Variants in DNAH8 observed in about 807,000 individuals in gnomAD.
The protein encoded by DNAH8 is axonemal beta dynein heavy chain 8.
In DNAH8, 382 loss-of-function variants were observed where a neutral mutation model predicts 562.1. That is an observed-to-expected ratio of 0.68 (90% confidence interval 0.63 to 0.74). The LOEUF (loss-of-function observed/expected upper bound fraction) is 0.74. DNAH8 is among the 30% of genes least tolerant of loss of function. The probability of loss-of-function intolerance (pLI) is 0.00; values close to 1 mark genes in which losing one functional copy is unlikely to be tolerated. For missense variants in DNAH8, 5,203 were observed against 5,620.4 expected (o/e 0.93, Z 2.37); for synonymous variants, 1,881 against 1,919.4 (o/e 0.98, Z 0.52).
At chr6:38,729,582 T>C (rs1763504320) in intron 3 of DNAH8, among the ~76,000 whole-genome samples, 1 of 152,248 alleles carries the variant, frequency 6.6e-6, no homozygotes, top group Non-Finnish European at 1.5e-5. Flanking sequence ...CTTTTAAGAA[T>C]AGTTTATCTT....
intron 59 of DNAH8, among the ~76,000 whole-genome samples, chr6:38,895,790 C>G (rs766115132): frequency 6.6e-6 from 1 of 152,198 alleles, no homozygotes; most frequent in Non-Finnish European, 1.5e-5. Context: ...GCTCTCCTAT[C>G]GCAAGTTTTA....
chr6:38,841,756 T>C (rs1202868637), intron 33 of DNAH8, among the ~76,000 whole-genome samples: 1 of 152,122 alleles, frequency 6.6e-6, no homozygotes, highest in African/African-American at 2.4e-5. Context: ...CTTGTTCTGT[T>C]GCCCAGGCTG....
intron 21 of DNAH8, 44 bp downstream of exon 21, chr6:38,791,718 T>G: frequency 6.3e-7 from 1 of 1,585,746 alleles, no homozygotes; most frequent in Non-Finnish European, 8.6e-7. Context: ...AATATTGGCC[T>G]ATAAACCTAA....
intron 88 of DNAH8, among the ~76,000 whole-genome samples, chr6:39,003,995 C>G (rs530906834): frequency 2.4e-4 from 36 of 151,562 alleles, no homozygotes; most frequent in Middle Eastern, 3.4e-3. Flanking sequence ...TTTTTCTCTT[C>G]TCTAGTTTGG....
chr6:38,947,310 A>G (rs1391156220), intron 80 of DNAH8, among the ~76,000 whole-genome samples: 1 of 152,142 alleles, frequency 6.6e-6, no homozygotes, highest in African/African-American at 2.4e-5. Context: ...TGCCTGTGGG[A>G]AGGAAGGGAG....
At chr6:38,767,861 T>C (rs1767168617) in intron 11 of DNAH8, among the ~76,000 whole-genome samples, 1 of 152,226 alleles carries the variant, frequency 6.6e-6, no homozygotes, top group Non-Finnish European at 1.5e-5. Flanking sequence ...TTTAACTTTT[T>C]GAGTTCCTGC....
intron 82 of DNAH8, among the ~76,000 whole-genome samples, chr6:38,959,044 T>C (rs1762449162): frequency 6.6e-6 from 1 of 152,164 alleles, no homozygotes; most frequent in South Asian, 2.1e-4. Flanking sequence ...ATCATCTCAA[T>C]AGACACAGAG....
chr6:39,021,559 A>G (rs976332421), intron 91 of DNAH8, among the ~76,000 whole-genome samples: 2 of 152,166 alleles, frequency 1.3e-5, no homozygotes, highest in Non-Finnish European at 2.9e-5. Flanking sequence ...GTGCATTTTT[A>G]TTCAACGGGG....
chr6:38,874,074 TTCTTTCTTTCTTTC>T (rs1777733600), intron 52 of DNAH8, among the ~76,000 whole-genome samples: 1 of 100,554 alleles, frequency 9.9e-6, no homozygotes, highest in Non-Finnish European at 2.1e-5. Context: ...TTCTTTTTCT[TTCTTTCTTTCTTTC>T]TTTCTTTCTC....
chr6:38,968,561 G>A (rs1392013150), intron 82 of DNAH8, among the ~76,000 whole-genome samples: 2 of 152,104 alleles, frequency 1.3e-5, no homozygotes, highest in Non-Finnish European at 2.9e-5. Flanking sequence ...TTAGGGAAAT[G>A]CAAATTAAAA....
chr6:38,812,569 A>G (rs1771893470), intron 24 of DNAH8, among the ~76,000 whole-genome samples: 1 of 152,116 alleles, frequency 6.6e-6, no homozygotes, highest in Non-Finnish European at 1.5e-5. Context: ...CAGTTTTTAG[A>G]GGAGAGTTCT....
chr6:38,797,592 T>A (rs1770391365), intron 21 of DNAH8, among the ~76,000 whole-genome samples: 1 of 152,114 alleles, frequency 6.6e-6, no homozygotes, highest in Non-Finnish European at 1.5e-5. Context: ...TGCTTCCAAT[T>A]CCAATTCCTT....
intron 8 of DNAH8, among the ~76,000 whole-genome samples, chr6:38,749,272 A>G (rs1765219380): frequency 6.6e-6 from 1 of 152,174 alleles, no homozygotes. Flanking sequence ...TAACATAGGA[A>G]CAGAAAACCG....
intron 85 of DNAH8, 133 bp from the exon 86 acceptor site, chr6:38,982,213 A>T: frequency 3.2e-6 from 2 of 621,384 alleles, no homozygotes; most frequent in Non-Finnish European, 5.9e-6. Flanking sequence ...TGTATATCCA[A>T]AATTGTATAT....
At chr6:38,993,277 C>T (rs1238672946) in intron 88 of DNAH8, among the ~76,000 whole-genome samples, 2 of 152,146 alleles carry the variant, frequency 1.3e-5, no homozygotes, top group Admixed American at 6.5e-5. Context: ...AAGTAGAGGT[C>T]AAGATTTCTT....
At chr6:38,890,486 A>G (rs1470511567) in intron 57 of DNAH8, among the ~76,000 whole-genome samples, 166 bp from the exon 58 acceptor site, 2 of 152,188 alleles carry the variant, frequency 1.3e-5, no homozygotes, top group Non-Finnish European at 2.9e-5. Context: ...ACTGCGTACT[A>G]AGCTTGGCTG....
Position 38,951,414 on chromosome 6 carries a change from G to A in DNAH8, c.12345G>A (p.Glu4115=). 1.2e-6 allele frequency: 2 copies of A among 1,614,130 alleles called. No individual in the cohort carries two copies. The highest frequency in any genetic ancestry group is 1.7e-6 in the Non-Finnish European group (2 of 1,180,034). The change falls in exon 82 of 93, where the codon GAG becomes GAA. Residue 4115 remains glutamate (E), a synonymous_variant. Coordinates refer to ENST00000327475, the MANE Select transcript of DNAH8 (RefSeq NM_001206927.2). ...KYTEPVILNL[E]KTWEESDTRT... is the part of the protein sequence containing the mutation. The stretch of plus-strand genomic sequence containing the variant: ...CAGAACCAGTTATCTTAAATCTGGA[G>A]AAAACTTGGGAAGAAAGTGATACCC...
rs750924798 is a variant in DNAH8 at position 38,873,166 on chromosome 6, A to G, written c.7479+19A>G. ...CTTACAGGTGGGGCAGAGAGATGGG[A>G]AGAAGAACCCTCAGAGTCTCTCCAC... On this transcript the variant is annotated intron_variant, in intron 51 of 92. Coordinates refer to ENST00000327475, the MANE Select transcript of DNAH8 (RefSeq NM_001206927.2). The G allele has an allele frequency of 1.4e-5, 23 of 1,613,182 alleles. No individual in the cohort carries two copies. The South Asian group carries it at 2.3e-4, about 16-fold the overall frequency.
intron 21 of DNAH8, among the ~76,000 whole-genome samples, chr6:38,801,178 T>C (rs1562831514): frequency 6.6e-6 from 1 of 152,212 alleles, no homozygotes; most frequent in Non-Finnish European, 1.5e-5. Flanking sequence ...TTTTTTAGTT[T>C]TAGTTCTGAA....
Sources: allele counts gnomAD v4.1 joint callset (sites outside exome capture counted in the v4.1 genomes callset), GRCh38; gene constraint gnomAD v4.1.1; transcripts MANE v1.5; gene names NCBI Gene and HGNC (gene_info 2026-07-23, HGNC 2026-07-21).